The following LARP1 variants were observed in gnomAD, a reference collection of about 807,000 sequenced individuals.
LARP1 encodes La ribonucleoprotein 1, translational regulator.
In LARP1, 36 loss-of-function variants were observed where a neutral mutation model predicts 122.7. The observed-to-expected ratio is 0.29, with a 90% CI of 0.22 to 0.39. The LOEUF is 0.39. LARP1 is among the 10% of genes least tolerant of loss of function. The pLI is 1.00. For synonymous variants in LARP1, 539 were observed against 528.7 expected, an observed-to-expected ratio of 1.02 and a Z score of -0.27; for missense variants, 1,040 against 1,403.6, an observed-to-expected ratio of 0.74 and a Z score of 4.14.
At chr5:154,811,732 T>C in intron 18 of LARP1, 92 bp downstream of exon 18, 1 of 1,505,118 alleles carries the variant, frequency 6.6e-7, no homozygotes, top group Non-Finnish European at 9.1e-7. Context: ...GCTGTGCCCC[T>C]AGCCCAGGAA....
At chr5:154,759,460 G>C (rs1754268886) in intron 1 of LARP1, among the ~76,000 whole-genome samples, 1 of 152,178 alleles carries the variant, frequency 6.6e-6, no homozygotes, top group South Asian at 2.1e-4. Flanking sequence ...AAAGGTTGCT[G>C]ACTCTTAAGA....
chr5:154,741,026 C>T (rs910312728), intron 1 of LARP1, among the ~76,000 whole-genome samples: 2 of 152,178 alleles, frequency 1.3e-5, no homozygotes, highest in African/African-American at 4.8e-5. Flanking sequence ...GAACAGGTGG[C>T]TGTGCATGGA....
At chr5:154,723,962 C>G (rs912608324) in intron 1 of LARP1, among the ~76,000 whole-genome samples, 2 of 152,170 alleles carry the variant, frequency 1.3e-5, no homozygotes, top group Non-Finnish European at 2.9e-5. Context: ...GTCCAGAGGA[C>G]CCCTAAGCAG....
At position 154,817,260 on chromosome 5, in the gene LARP1, C is replaced by T. The variant is rs1759737835; in HGVS notation, c.*3164C>T. 1 of 152,442 alleles carries T rather than the reference C, an allele frequency of 6.6e-6. No individual in the cohort carries two copies. Among genetic ancestry groups the T allele is most frequent in the Admixed American group, 6.5e-5 (1 of 15,282 alleles). 9.4% of individuals were successfully genotyped at this position (152,442 alleles called of 1,614,324 possible). ...CTGGATTTTCCCTAACACCCACCCTCTCCCCCTTCAGCCATGCTGATGGCA... is the reference window on the plus strand; with the variant it reads ...CTGGATTTTCCCTAACACCCACCCTTTCCCCCTTCAGCCATGCTGATGGCA... On this transcript the variant is annotated 3_prime_UTR_variant, in exon 19 of 19. Coordinates refer to ENST00000518297, the MANE Select transcript of LARP1 (RefSeq NM_033551.3).
chr5:154,737,767 G>GTC (rs958776866), intron 1 of LARP1, among the ~76,000 whole-genome samples: 2 of 151,846 alleles, frequency 1.3e-5, no homozygotes, highest in African/African-American at 4.8e-5. Context: ...CTTCTGCCAA[G>GTC]TCTCTCTCTC....
intron 3 of LARP1, chr5:154,791,837 A>G: frequency 5.0e-6 from 2 of 401,586 alleles, no homozygotes; most frequent in Non-Finnish European, 5.3e-6. Context: ...GTGGACCCAC[A>G]CAGTTCAAAG....
intron 1 of LARP1, among the ~76,000 whole-genome samples, chr5:154,743,739 C>G (rs1336226387): frequency 6.6e-6 from 1 of 152,018 alleles, no homozygotes; most frequent in Non-Finnish European, 1.5e-5. Context: ...CCTGCCTCAG[C>G]CTTTCAAGTA....
chr5:154,759,572 G>A (rs553078784), intron 1 of LARP1, among the ~76,000 whole-genome samples: 50 of 152,264 alleles, frequency 3.3e-4, no homozygotes, highest in Non-Finnish European at 5.3e-4. Flanking sequence ...GGGGGGAGTT[G>A]CACGTGTGCT....
chr5:154,766,950 TCATTTACAGGTTAGG>T (rs2113634778), intron 1 of LARP1, among the ~76,000 whole-genome samples: 1 of 152,314 alleles, frequency 6.6e-6, no homozygotes, highest in South Asian at 2.1e-4. Context: ...TCTAAACCTC[TCATTTACAGGTTAGG>T]AACTTCAAGC....
At chr5:154,721,907 C>T (rs1755894442) in intron 1 of LARP1, among the ~76,000 whole-genome samples, 1 of 152,184 alleles carries the variant, frequency 6.6e-6, no homozygotes, top group Non-Finnish European at 1.5e-5. Flanking sequence ...ATGACAGTAT[C>T]ATCCCATTCA....
At position 154,803,648 on chromosome 5, in the gene LARP1, G is replaced by A. The variant is rs1758521949; in HGVS notation, c.2342G>A (p.Arg781Lys). ...GAGTCACCAAACTACCGCAACACCA[G>A]GACCCCTCGCACTCCCCGGACACCA... ...VPESPNYRNT[R>K]TPRTPRTPQL... Residue 781 changes from arginine (R) to lysine (K), a missense_variant, in exon 13 of 19, where the codon AGG becomes AAG. Around this residue, in one of 8 missense-constraint regions of LARP1, gnomAD observed 362 missense variants for 533.1 expected, o/e 0.68. Coordinates refer to ENST00000518297, the MANE Select transcript of LARP1 (RefSeq NM_033551.3). The surrounding 1 kb of genome is among the most constrained non-coding windows in gnomAD (Gnocchi z 4.4). The A allele has an allele frequency of 6.2e-7, 1 of 1,614,114 alleles. No individual in the cohort carries two copies.
At chr5:154,721,140 G>T (rs971083127) in intron 1 of LARP1, among the ~76,000 whole-genome samples, 1 of 151,918 alleles carries the variant, frequency 6.6e-6, no homozygotes, top group African/African-American at 2.4e-5. Context: ...CCCAGGGGTT[G>T]GAGACTTGCC....
chr5:154,757,802 CCCCCTGCT>C (rs1343594102), intron 1 of LARP1, among the ~76,000 whole-genome samples: 10 of 51,730 alleles, frequency 1.9e-4, no homozygotes, highest in Admixed American at 3.1e-4. Context: ...GCTCCCCTTC[CCCCCTGCT>C]CCCCTTCCCC....
chr5:154,794,054 G>T (rs910434830), intron 6 of LARP1, 46 bp from the exon 7 acceptor site: 141 of 1,611,420 alleles, frequency 8.8e-5, no homozygotes, highest in Non-Finnish European at 1.1e-4. Flanking sequence ...AGCAGGGGTG[G>T]TGGGCAGGAA....
At chr5:154,692,995 T>TTTTC (rs1463551113) in intron 1 of LARP1, among the ~76,000 whole-genome samples, 1 of 115,886 alleles carries the variant, frequency 8.6e-6, no homozygotes, top group African/African-American at 3.0e-5. Context: ...TTAATTATTT[T>TTTTC]TTTTTTTTTT....
chr5:154,785,899 C>T (rs1370938569), intron 1 of LARP1, among the ~76,000 whole-genome samples: 1 of 152,150 alleles, frequency 6.6e-6, no homozygotes, highest in African/African-American at 2.4e-5. Context: ...AGCATCAGCT[C>T]CCTGCTCCTT....
intron 14 of LARP1, chr5:154,804,686 T>TA (rs149966643): frequency 7.0e-6 from 3 of 425,648 alleles, no homozygotes; most frequent in South Asian, 1.7e-5. Flanking sequence ...TTTTAAAAAT[T>TA]AAAAAAATAC....
At chr5:154,761,534 G>A (rs1047645501) in intron 1 of LARP1, among the ~76,000 whole-genome samples, 5 of 152,142 alleles carry the variant, frequency 3.3e-5, no homozygotes, top group African/African-American at 1.2e-4. Context: ...GCAGATGGGA[G>A]TTCCCCTGTT....
At chr5:154,798,439 T>C (rs1211459470) in intron 8 of LARP1, among the ~76,000 whole-genome samples, 1 of 152,250 alleles carries the variant, frequency 6.6e-6, no homozygotes, top group Non-Finnish European at 1.5e-5. Flanking sequence ...TAGAAAGATA[T>C]TCCTCATTCC....
Sources: allele counts gnomAD v4.1 joint callset (sites outside exome capture counted in the v4.1 genomes callset), GRCh38; gene constraint gnomAD v4.1.1; regional missense constraint gnomAD v4.1.1; non-coding constraint Gnocchi (gnomAD v3.1); transcripts MANE v1.5; gene names NCBI Gene and HGNC (gene_info 2026-07-23, HGNC 2026-07-21).